Variants in NPC1 observed in about 807,000 individuals in gnomAD.
The protein encoded by NPC1 is Niemann-Pick C1 protein.
Under a neutral mutation model 140.4 loss-of-function variants are expected in NPC1, and 85 were observed. The ratio of observed to expected loss-of-function variants is 0.61; its 90% confidence interval spans 0.51 to 0.72. The LOEUF is 0.72. NPC1 is among the 30% of genes least tolerant of loss of function. NPC1 has a pLI of 0.00. For synonymous variants in NPC1, 656 were observed against 624.8 expected (o/e 1.05, Z -0.74); for missense variants, 1,504 against 1,623.8 (o/e 0.93, Z 1.27).
At position 23,545,005 on chromosome 18, in the gene NPC1, A is replaced by G. The variant is rs141293476; in HGVS notation, c.1902T>C (p.Tyr634=). 7 of 1,535,252 alleles carry G rather than the reference A, an allele frequency of 4.6e-6. No homozygotes were observed. In the African/African-American group the frequency reaches 9.7e-5, roughly 21 times the overall value. ...VVISYAIMFL[Y]ISLALGHMKS... ...TCATGTGCCCCAAGGCTAGGGAAAT[A>G]TATAGAAACATGATGGCATAGCTAA... Residue 634 remains tyrosine (Y), a synonymous_variant, in exon 12 of 25, where the codon TAT becomes TAC. Coordinates refer to ENST00000269228, the MANE Select transcript of NPC1 (RefSeq NM_000271.5).
chr18:23,509,532 G>C (rs1307377286), intron 3 of NPC1: 3 of 210,484 alleles, frequency 1.4e-5, no homozygotes, highest in Non-Finnish European at 2.8e-5. Context: ...ACCATGCCTG[G>C]CTAATTTTTC....
chr18:23,524,633 G>A (rs2058240278), downstream of NPC1: 1 of 705,698 alleles, frequency 1.4e-6, no homozygotes, highest in Non-Finnish European at 2.4e-6. Flanking sequence ...CACTTTATAC[G>A]TTTTTTACTA....
intron 6 of NPC1, 107 bp from the exon 7 acceptor site, chr18:23,557,297 T>C: frequency 1.2e-6 from 1 of 803,960 alleles, no homozygotes; most frequent in South Asian, 1.4e-5. Flanking sequence ...CCTCCTGGCC[T>C]CCTCCTCCCT....
In NPC1 at chr18:23,547,862, T is replaced by C. The variant is rs545086357; in HGVS notation, c.1757+144A>G. On this transcript the variant is annotated intron_variant, in intron 11 of 24. Coordinates refer to ENST00000269228, the MANE Select transcript of NPC1 (RefSeq NM_000271.5). ...GGTAAATGTGTTTACAGTTTCTTCT[T>C]AGCATCATTAGTACCAAGTGAACAA... 1.3e-5 allele frequency: 10 copies of C among 756,858 alleles called. No individual in the cohort carries two copies. The East Asian group carries it at 2.4e-4, about 18-fold the overall frequency. 46.9% of individuals were successfully genotyped at this position (756,858 alleles called of 1,614,324 possible). A position where few individuals can be genotyped will look rare whatever the true frequency, so the allele number is the denominator to read the frequency against.
At chr18:23,567,320 A>G (rs942736541) in intron 4 of NPC1, among the ~76,000 whole-genome samples, 1 of 152,174 alleles carries the variant, frequency 6.6e-6, no homozygotes, top group Non-Finnish European at 1.5e-5. Context: ...AGCGTCTTGA[A>G]TTTTTGCCAT....
Position 23,551,671 on chromosome 18 carries a change from A to G in NPC1, c.1610T>C (p.Phe537Ser), listed in dbSNP as rs747310316. The G allele has an allele frequency of 1.9e-6, 3 of 1,614,228 alleles. No homozygotes were observed. The highest frequency in any genetic ancestry group is 2.2e-5 in the South Asian group (2 of 91,084). ...AAGCCACGGGAACACTGGTCCACCA[A>G]ACGTACCCAGACAAGGGTCATGGAG... ...SLLHDPCLGT[F>S]GGPVFPWLVL... is the part of the protein sequence containing the mutation. Residue 537 changes from phenylalanine (F) to serine (S), a missense_variant, in exon 10 of 25, where the codon TTT becomes TCT. By Grantham distance (155) the Phe-to-Ser change is radical. Transcript: ENST00000269228.
Position 23,531,855 on chromosome 18 carries a change from T to G in NPC1, c.*347A>C. 6.9e-7 allele frequency: 1 copy of G among 1,454,078 alleles called. No individual in the cohort carries two copies. Among genetic ancestry groups the G allele is most frequent in the South Asian group, 1.5e-5 (1 of 68,492 alleles). 90.1% of individuals were successfully genotyped at this position (1,454,078 alleles called of 1,614,324 possible). ...TAGAACTTGTGGGATGGCTTACTCC[T>G]AAAAGGAGAGACAGACAGTGCATTG... On this transcript the variant is annotated 3_prime_UTR_variant, in exon 25 of 25. Transcript: ENST00000269228.
Position 23,586,452 on chromosome 18 carries a change from A to C in NPC1, c.-109T>G, listed in dbSNP as rs1166957395. ...TCAGCACCCCGCGCAGGAGGAGCGGAGGAGCAGGAGCAGGCGCTGACCGCG... is the reference window on the plus strand; with the variant it reads ...TCAGCACCCCGCGCAGGAGGAGCGGCGGAGCAGGAGCAGGCGCTGACCGCG... On this transcript the variant is annotated 5_prime_UTR_variant, in exon 1 of 25. Transcript: ENST00000269228. 1 of 1,488,380 alleles carries C rather than the reference A, an allele frequency of 6.7e-7. No individual in the cohort carries two copies. The highest frequency in any genetic ancestry group is 8.9e-7 in the Non-Finnish European group (1 of 1,126,174). The allele number at this position is 1,488,380 out of a possible 1,614,324, so 92.2% of individuals were successfully genotyped here.
intron 14 of NPC1, among the ~76,000 whole-genome samples, chr18:23,542,256 CTTT>C (rs10711695): frequency 2.2e-5 from 3 of 137,248 alleles, no homozygotes; most frequent in African/African-American, 2.7e-5. Flanking sequence ...AAAGTTTTTT[CTTT>C]TTTTTTTTTT....
downstream of NPC1, chr18:23,518,985 T>G: frequency 6.2e-7 from 1 of 1,614,130 alleles, no homozygotes; most frequent in African/African-American, 1.3e-5. Flanking sequence ...CCACGGTAGA[T>G]TTCATGCTTT....
chr18:23,584,734 C>A lies in NPC1; in HGVS notation c.57+1553G>T, dbSNP rs139436995. 3.2e-3 allele frequency among the ~76,000 whole-genome samples: 488 copies of A among 152,310 alleles called. 4 individuals carry two copies. The highest frequency in any genetic ancestry group is 0.011 in the African/African-American group (469 of 41,558). ...ATTAGCTGGGCGTGGTGGTGGGCAC[C>A]TGTAATCCTAGCTACCTGGGAGGCT... On this transcript the variant is annotated intron_variant, in intron 1 of 24. Coordinates refer to ENST00000269228, the MANE Select transcript of NPC1 (RefSeq NM_000271.5).
At chr18:23,562,619 C>T (rs1452442969) in intron 4 of NPC1, among the ~76,000 whole-genome samples, 1 of 152,148 alleles carries the variant, frequency 6.6e-6, no homozygotes, top group Non-Finnish European at 1.5e-5. Context: ...CAGGCTCTAT[C>T]ATGGCTGGTA....
intron 3 of NPC1, among the ~76,000 whole-genome samples, chr18:23,509,999 T>A (rs1330846740): frequency 7.8e-5 from 11 of 141,488 alleles, no homozygotes; most frequent in African/African-American, 2.0e-4. Flanking sequence ...TTTTTTTTTT[T>A]ATAATTGCAA....
intron 4 of NPC1, among the ~76,000 whole-genome samples, chr18:23,562,161 C>T (rs1303704045): frequency 3.3e-5 from 5 of 151,852 alleles, no homozygotes; most frequent in Non-Finnish European, 5.9e-5. Flanking sequence ...TGGTGGCGGA[C>T]GCCTGTAGTC....
intron 1 of NPC1, among the ~76,000 whole-genome samples, chr18:23,577,552 G>T (rs527420278): frequency 6.6e-6 from 1 of 152,204 alleles, no homozygotes; most frequent in African/African-American, 2.4e-5. Flanking sequence ...AGACTCAGAA[G>T]CCCAGCTGGC....
intron 14 of NPC1, 133 bp from the exon 15 acceptor site, chr18:23,541,566 G>T: frequency 1.7e-6 from 2 of 1,152,732 alleles, no homozygotes; most frequent in Non-Finnish European, 1.3e-6. Flanking sequence ...TGCTGCGGCT[G>T]GACATTACAC....
downstream of NPC1, chr18:23,529,364 A>T (rs1173545701): frequency 6.4e-7 from 1 of 1,553,360 alleles, no homozygotes; most frequent in Non-Finnish European, 8.6e-7. Context: ...GCTGAAAACG[A>T]GGAGACTTCA....
At chr18:23,554,121 T>C (rs1470804515) in intron 9 of NPC1, among the ~76,000 whole-genome samples, 2 of 152,210 alleles carry the variant, frequency 1.3e-5, no homozygotes, top group South Asian at 2.1e-4. Context: ...CTGCACTTGC[T>C]GCTGGTTCTG....
At position 23,560,287 on chromosome 18, in the gene NPC1, G is replaced by C. The variant is rs1291859932; in HGVS notation, c.825C>G (p.Thr275=). The C allele has an allele frequency of 1.2e-6, 2 of 1,614,086 alleles. No homozygotes were observed. The highest frequency in any genetic ancestry group is 1.7e-6 in the Non-Finnish European group (2 of 1,180,000). Residue 275 remains threonine (T), a synonymous_variant, in exon 6 of 25, where the codon ACC becomes ACG. Transcript: ENST00000269228. ...AAAACACAAGCAAAAACGCCATGTAGGTGATCCACATGATGACATACATGG... is the reference window on the plus strand; with the variant it reads ...AAAACACAAGCAAAAACGCCATGTACGTGATCCACATGATGACATACATGG... ...LDAMYVIMWI[T]YMAFLLVFFG... is the part of the protein sequence containing the mutation.
Sources: gnomAD v4.1 joint callset for allele counts (sites outside exome capture counted in the v4.1 genomes callset) on GRCh38, gnomAD v4.1.1 for gene constraint, MANE v1.5 for transcripts, NCBI Gene and HGNC (gene_info 2026-07-23, HGNC 2026-07-21) for gene names.